The following SLC36A2 variants were observed in gnomAD, a reference collection of about 807,000 sequenced individuals.
The protein encoded by SLC36A2 is solute carrier family 36 member 2.
SLC36A2 carries 39 observed loss-of-function variants against 42.7 expected under a neutral mutation model. The observed-to-expected ratio is 0.91, with a 90% CI of 0.71 to 1.19. The LOEUF is 1.19. SLC36A2 is among the 50% of genes most tolerant of loss of function. The pLI is 0.00. For missense variants in SLC36A2, 590 were observed against 613.7 expected, an observed-to-expected ratio of 0.96 and a Z score of 0.41; for synonymous variants, 237 against 240.8, an observed-to-expected ratio of 0.98 and a Z score of 0.15.
intron 6 of SLC36A2, among the ~76,000 whole-genome samples, chr5:151,334,787 A>G (rs964744029): frequency 5.9e-5 from 9 of 152,360 alleles, no homozygotes; most frequent in Admixed American, 2.0e-4. Context: ...ATTCAACATC[A>G]AAGACATTAT....
At chr5:151,338,681 G>GGAAA (rs1554098598) in intron 5 of SLC36A2, 1 of 176,812 alleles carries the variant, frequency 5.7e-6, no homozygotes, top group African/African-American at 2.6e-5. Context: ...GTCTCAAAAA[G>GGAAA]AAAAAAAAAA....
rs149235996 is a variant in SLC36A2 at position 151,340,348 on chromosome 5, A to G, written c.441-1204T>C. On this transcript the variant is annotated intron_variant, in intron 4 of 9. Coordinates refer to ENST00000335244, the MANE Select transcript of SLC36A2 (RefSeq NM_181776.3). ...GGACAGTTTTAGGAGAAGGGGAAGA[A>G]ATGACACATTCAGAATCTGAATCTT... Among the ~76,000 whole-genome samples, 1,340 of 152,230 alleles carry G rather than the reference A, an allele frequency of 8.8e-3. 17 individuals are homozygous for G. Among genetic ancestry groups the G allele is most frequent in the Middle Eastern group, 0.024 (7 of 294 alleles).
intron 5 of SLC36A2, among the ~76,000 whole-genome samples, chr5:151,336,851 A>G (rs191964976): frequency 5.6e-4 from 86 of 152,332 alleles, no homozygotes; most frequent in African/African-American, 2.0e-3. Flanking sequence ...AGCAGGAGGA[A>G]AACACAAATG....
At chr5:151,346,208 C>T (rs1756493091) in intron 1 of SLC36A2, among the ~76,000 whole-genome samples, 1 of 152,226 alleles carries the variant, frequency 6.6e-6, no homozygotes, top group East Asian at 1.9e-4. Context: ...AATGCCTCTA[C>T]TTAGCAGTGG....
chr5:151,323,593 TG>T (rs11335364), intron 8 of SLC36A2, among the ~76,000 whole-genome samples: 11,265 of 152,246 alleles, frequency 0.074, 607 homozygotes, highest in African/African-American at 0.16. Flanking sequence ...TGGACTCAGG[TG>T]TACCAGAGTG....
intron 1 of SLC36A2, among the ~76,000 whole-genome samples, chr5:151,346,504 A>G (rs1458317571): frequency 1.3e-5 from 2 of 152,112 alleles, no homozygotes; most frequent in Admixed American, 1.3e-4. Flanking sequence ...GAAGGAGCAG[A>G]GAAACCACTT....
At chr5:151,346,591 C>T (rs1339224601) in intron 1 of SLC36A2, among the ~76,000 whole-genome samples, 4 of 152,184 alleles carry the variant, frequency 2.6e-5, no homozygotes, top group Non-Finnish European at 5.9e-5. Flanking sequence ...CTTAAAGCAG[C>T]AGAACCTCTT....
intron 8 of SLC36A2, among the ~76,000 whole-genome samples, chr5:151,324,462 A>G (rs913916123): frequency 1.3e-5 from 2 of 152,074 alleles, no homozygotes; most frequent in African/African-American, 2.4e-5. Context: ...CCTCCCGAGT[A>G]GCTGGGATTA....
At chr5:151,342,094 T>C (rs1409912344) in intron 4 of SLC36A2, among the ~76,000 whole-genome samples, 6 of 152,194 alleles carry the variant, frequency 3.9e-5, no homozygotes, top group Middle Eastern at 3.2e-3. Context: ...ACAATACAAA[T>C]ATGATGACTT....
intron 6 of SLC36A2, 58 bp downstream of exon 6, chr5:151,335,271 T>A: frequency 7.3e-7 from 1 of 1,370,974 alleles, no homozygotes; most frequent in Non-Finnish European, 1.0e-6. Context: ...AAGCTCAGTC[T>A]ATCCTTGATA....
At chr5:151,332,191 A>G (rs967019038) in intron 7 of SLC36A2, among the ~76,000 whole-genome samples, 2 of 152,154 alleles carry the variant, frequency 1.3e-5, no homozygotes, top group African/African-American at 4.8e-5. Context: ...AGAGGAAAAA[A>G]TTTAAAAGGA....
chr5:151,346,422 A>G (rs974095044), intron 1 of SLC36A2, among the ~76,000 whole-genome samples: 2 of 151,892 alleles, frequency 1.3e-5, no homozygotes, highest in Non-Finnish European at 2.9e-5. Flanking sequence ...ACATCCTCCG[A>G]TTTTGTTTCC....
At chr5:151,332,929 G>T (rs1756038867) in intron 7 of SLC36A2, among the ~76,000 whole-genome samples, 1 of 152,206 alleles carries the variant, frequency 6.6e-6, no homozygotes, top group African/African-American at 2.4e-5. Flanking sequence ...TGGACACCAT[G>T]GTTCTTCTTG....
At chr5:151,323,897 G>A (rs78811944) in intron 8 of SLC36A2, among the ~76,000 whole-genome samples, 3,448 of 152,270 alleles carry the variant, frequency 0.023, 35 homozygotes, top group Middle Eastern at 0.034. Flanking sequence ...TATCATGTTG[G>A]GAAAGGAGCC....
At chr5:151,324,847 C>T (rs1187972317) in intron 8 of SLC36A2, among the ~76,000 whole-genome samples, 1 of 152,072 alleles carries the variant, frequency 6.6e-6, no homozygotes. Flanking sequence ...ACCATGTTGC[C>T]CAGGTTGGCC....
At chr5:151,344,557 A>C (rs969933349) in intron 1 of SLC36A2, among the ~76,000 whole-genome samples, 2 of 152,230 alleles carry the variant, frequency 1.3e-5, no homozygotes, top group African/African-American at 4.8e-5. Context: ...CTTCTAGTCA[A>C]GGCTCTGACA....
chr5:151,322,028 ACT>A lies in SLC36A2; in HGVS notation c.1180+16_1180+17del. On this transcript the variant is annotated intron_variant, in intron 9 of 9. Transcript: ENST00000335244. ...CAGAAAAGATCAGCAGGAACACTGC[ACT>A]CTCCTTTCTACTCACATGTCAGGCA... The A allele has an allele frequency of 3.7e-6, 6 of 1,613,872 alleles. No homozygotes were observed. Among genetic ancestry groups the A allele is most frequent in the Non-Finnish European group, 4.2e-6 (5 of 1,179,932 alleles).
chr5:151,335,738 G>A (rs1467526017), intron 5 of SLC36A2, among the ~76,000 whole-genome samples, 191 bp from the exon 6 acceptor site: 1 of 152,160 alleles, frequency 6.6e-6, no homozygotes, highest in Non-Finnish European at 1.5e-5. Flanking sequence ...CCTCAGAAGA[G>A]GCTGTACATG....
intron 9 of SLC36A2, among the ~76,000 whole-genome samples, chr5:151,318,541 ATAT>A (rs1755584015): frequency 1.4e-5 from 2 of 145,778 alleles, no homozygotes; most frequent in Non-Finnish European, 3.0e-5. Context: ...TTATTTATAA[ATAT>A]TTATTTATAA....
Sources: allele counts gnomAD v4.1 joint callset (sites outside exome capture counted in the v4.1 genomes callset), GRCh38; gene constraint gnomAD v4.1.1; transcripts MANE v1.5; gene names NCBI Gene and HGNC (gene_info 2026-07-23, HGNC 2026-07-21).